The following GRXCR2 variants were observed in gnomAD, a reference collection of about 807,000 sequenced individuals.
The protein encoded by GRXCR2 is glutaredoxin domain-containing cysteine-rich protein 2.
In GRXCR2, 23 loss-of-function variants were observed where a neutral mutation model predicts 24.8. That is an observed-to-expected ratio of 0.93 (90% CI 0.67 to 1.32). GRXCR2 has a LOEUF of 1.32. Among genes scored for constraint, GRXCR2 ranks in the 40% most tolerant of loss-of-function variants. The probability of loss-of-function intolerance (pLI) is 0.00; values close to 1 mark genes in which losing one functional copy is unlikely to be tolerated. For synonymous variants in GRXCR2, 130 were observed against 116.1 expected, an observed-to-expected ratio of 1.12 and a Z score of -0.77; for missense variants, 315 against 303.4, an observed-to-expected ratio of 1.04 and a Z score of -0.28.
intron 2 of GRXCR2, among the ~76,000 whole-genome samples, chr5:145,929,199 C>CTATATATATATATATATATATTTATATA (rs1757446043): frequency 8.6e-6 from 1 of 116,508 alleles, no homozygotes; most frequent in African/African-American, 3.2e-5. Context: ...ATATTCCCCC[C>CTATATATATATATATATATATTTATATA]TATATATATA....
chr5:145,874,193 T>A (rs972378163), upstream of GRXCR2, among the ~76,000 whole-genome samples: 6 of 150,482 alleles, frequency 4.0e-5, no homozygotes, highest in African/African-American at 1.0e-4. Context: ...ATTCTTTTTT[T>A]TTATTATTTT....
intron 2 of GRXCR2, among the ~76,000 whole-genome samples, chr5:145,889,235 A>AGAAAGAAAGAAAGAAG (rs1561683194): frequency 1.4e-5 from 2 of 146,372 alleles, no homozygotes; most frequent in Non-Finnish European, 3.0e-5. Flanking sequence ...AAAGAAAGAA[A>AGAAAGAAAGAAAGAAG]GAAAGAAAGA....
At chr5:145,885,539 G>A (rs1398628389) in intron 2 of GRXCR2, among the ~76,000 whole-genome samples, 1 of 152,174 alleles carries the variant, frequency 6.6e-6, no homozygotes, top group African/African-American at 2.4e-5. Context: ...TTTTCTCAAA[G>A]TACAACTTAC....
Position 145,859,178 on chromosome 5 carries a change from G to A in GRXCR2, c.*555C>T, listed in dbSNP as rs1756287801. 1.3e-5 allele frequency: 2 copies of A among 154,588 alleles called. No individual in the cohort carries two copies. The highest frequency in any genetic ancestry group is 4.0e-4 in the South Asian group (2 of 5,046). The allele number at this position is 154,588 out of a possible 1,614,324, so 9.6% of individuals were successfully genotyped here. A position where few individuals can be genotyped will look rare whatever the true frequency, so the allele number is the denominator to read the frequency against. ...GAGGTTCAGGACTTTGAAAGGGAAG[G>A]CTCCTTGGCTTGCCTGTCTCCACAG... On this transcript the variant is annotated 3_prime_UTR_variant, in exon 3 of 3. Coordinates refer to ENST00000377976, the MANE Select transcript of GRXCR2 (RefSeq NM_001080516.2).
At chr5:145,871,681 TGCCA>T (rs1398142257) in intron 1 of GRXCR2, among the ~76,000 whole-genome samples, 2 of 152,300 alleles carry the variant, frequency 1.3e-5, no homozygotes, top group East Asian at 3.9e-4. Context: ...CTTTTACCAA[TGCCA>T]GTAAAGCCAG....
chr5:145,894,001 A>G (rs182586116), intron 2 of GRXCR2, among the ~76,000 whole-genome samples: 3 of 152,238 alleles, frequency 2.0e-5, no homozygotes, highest in African/African-American at 7.2e-5. Flanking sequence ...GCTCAACTAC[A>G]TGGAAACTGA....
At chr5:145,865,770 T>G (rs1459094448) in intron 2 of GRXCR2, among the ~76,000 whole-genome samples, 1 of 152,168 alleles carries the variant, frequency 6.6e-6, no homozygotes, top group East Asian at 1.9e-4. Context: ...AATCATGACT[T>G]TACATGATGT....
At chr5:145,871,239 T>G (rs1359345905) in intron 1 of GRXCR2, among the ~76,000 whole-genome samples, 2 of 152,116 alleles carry the variant, frequency 1.3e-5, no homozygotes, top group African/African-American at 4.8e-5. Flanking sequence ...AAAGAAATAG[T>G]ATAAGTACAA....
intron 2 of GRXCR2, among the ~76,000 whole-genome samples, chr5:145,895,686 C>G (rs1457475174): frequency 4.6e-5 from 7 of 152,136 alleles, no homozygotes; most frequent in African/African-American, 1.7e-4. Flanking sequence ...GAATCAGTAT[C>G]GTGAAAATGG....
chr5:145,895,141 C>A (rs892871904), intron 2 of GRXCR2, among the ~76,000 whole-genome samples: 39 of 151,924 alleles, frequency 2.6e-4, no homozygotes, highest in African/African-American at 7.0e-4. Flanking sequence ...ATCTCAAAAT[C>A]ATAAGAGCTA....
At chr5:145,878,466 A>C (rs144904384) in intron 2 of GRXCR2, among the ~76,000 whole-genome samples, 2,179 of 152,304 alleles carry the variant, frequency 0.014, 57 homozygotes, top group African/African-American at 0.05. Flanking sequence ...GATCAAATTA[A>C]TGAAATGAAG....
chr5:145,873,333 T>G (rs779425517), upstream of GRXCR2, among the ~76,000 whole-genome samples: 1 of 152,242 alleles, frequency 6.6e-6, no homozygotes, highest in Non-Finnish European at 1.5e-5. Context: ...AGTTAACAAG[T>G]GTCTTCTTAT....
intron 2 of GRXCR2, among the ~76,000 whole-genome samples, chr5:145,914,393 T>C (rs1342676493): frequency 6.6e-6 from 1 of 151,846 alleles, no homozygotes; most frequent in African/African-American, 2.4e-5. Context: ...ATAACAAATC[T>C]GGCGAGGCAT....
At chr5:145,920,373 C>A (rs1757305953) in intron 2 of GRXCR2, among the ~76,000 whole-genome samples, 1 of 152,186 alleles carries the variant, frequency 6.6e-6, no homozygotes, top group South Asian at 2.1e-4. Context: ...CTTAACCAGA[C>A]CTTCAGGTGA....
chr5:145,900,232 G>T (rs1217672049), intron 2 of GRXCR2, among the ~76,000 whole-genome samples: 2 of 152,002 alleles, frequency 1.3e-5, no homozygotes, highest in African/African-American at 4.8e-5. Flanking sequence ...CTGATAGTGA[G>T]TTCTTACGAG....
chr5:145,929,199 C>CTATATATATATATATATATATATATA lies in GRXCR2; in HGVS notation c.-70+6501_-70+6502insTATATATATATATATATATATATATA, dbSNP rs72283862. Among the ~76,000 whole-genome samples, 12 of 116,480 alleles carry CTATATATATATATATATATATATATA rather than the reference C, an allele frequency of 1.0e-4. 1 individual carries two copies. Among genetic ancestry groups the CTATATATATATATATATATATATATA allele is most frequent in the African/African-American group, 2.8e-4 (9 of 31,670 alleles). 76.4% of individuals were successfully genotyped at this position (116,480 alleles called of 152,430 possible). A position where few individuals can be genotyped will look rare whatever the true frequency, so the allele number is the denominator to read the frequency against. On this transcript the variant is annotated intron_variant, in intron 2 of 3. Coordinates refer to the GRXCR2 transcript ENST00000639411. ...TTTAATAGTTGTATAATATTCCCCC[C>CTATATATATATATATATATATATATA]TATATATATATATATATATATATAT...
chr5:145,859,625 G>C lies in GRXCR2; in HGVS notation c.*108C>G. On this transcript the variant is annotated 3_prime_UTR_variant, in exon 3 of 3. Coordinates refer to ENST00000377976, the MANE Select transcript of GRXCR2 (RefSeq NM_001080516.2). ...TTTGCCAGCAGTGGGAGTGACTGCA[G>C]CCACTGTGGCCTCCTTGTTGGGAGA... The C allele has an allele frequency of 1.0e-6, 1 of 976,458 alleles. No homozygotes were observed. The highest frequency in any genetic ancestry group is 2.4e-5 in the East Asian group (1 of 41,106). The allele number at this position is 976,458 out of a possible 1,614,324, so 60.5% of individuals were successfully genotyped here.
intron 2 of GRXCR2, among the ~76,000 whole-genome samples, chr5:145,928,161 A>C (rs1270531452): frequency 6.6e-6 from 1 of 151,914 alleles, no homozygotes; most frequent in African/African-American, 2.4e-5. Flanking sequence ...AATGCTCATC[A>C]TCACTGGCCA....
chr5:145,866,576 G>A lies in GRXCR2; in HGVS notation c.489C>T (p.Ser163=). The A allele has an allele frequency of 6.2e-7, 1 of 1,614,120 alleles. No homozygotes were observed. Among genetic ancestry groups the A allele is most frequent in the Non-Finnish European group, 8.5e-7 (1 of 1,180,010 alleles). The change falls in exon 2 of 3, where the codon AGC becomes AGT. Residue 163 remains serine (S), a synonymous_variant. Transcript: ENST00000377976. ...EEESLMNKEE[S]YGGRDQHDRP... is the part of the protein sequence containing the mutation. ...TATCGTGCTGGTCCCTGCCTCCATA[G>A]CTTTCTTCTTTGTTCATCAGAGACT...
Sources: allele counts gnomAD v4.1 joint callset (sites outside exome capture counted in the v4.1 genomes callset), GRCh38; gene constraint gnomAD v4.1.1; transcripts MANE v1.5; gene names NCBI Gene and HGNC (gene_info 2026-07-23, HGNC 2026-07-21).